The following SIRT1 variants were observed in gnomAD, a reference collection of about 807,000 sequenced individuals.
SIRT1 encodes sirtuin 1, also known as NAD-dependent protein deacetylase sirtuin-1.
In SIRT1, 24 loss-of-function variants were observed where a neutral mutation model predicts 67.9. The observed-to-expected ratio is 0.35, with a 90% CI of 0.26 to 0.50. The LOEUF (loss-of-function observed/expected upper bound fraction) is 0.50, where lower values mean the gene tolerates loss of function less well. Ranked by LOEUF, SIRT1 falls within the 20% of genes least tolerant of loss-of-function variation. The probability of loss-of-function intolerance (pLI) is 0.98; values close to 1 mark genes in which losing one functional copy is unlikely to be tolerated. For missense variants in SIRT1, 873 were observed against 937.2 expected (o/e 0.93, Z 0.89); for synonymous variants, 378 against 350.7 (o/e 1.08, Z -0.87).
intron 4 of SIRT1, among the ~76,000 whole-genome samples, chr10:67,893,952 T>C (rs758749319): frequency 2.7e-4 from 41 of 152,218 alleles, no homozygotes; most frequent in Non-Finnish European, 5.4e-4. Flanking sequence ...GAATAAATTA[T>C]GTTACTTAAA....
chr10:67,895,760 T>TTTTTTTTA (rs1459241769), intron 4 of SIRT1, among the ~76,000 whole-genome samples: 1 of 137,048 alleles, frequency 7.3e-6, no homozygotes, highest in South Asian at 2.3e-4. Flanking sequence ...TTTTTTTTTT[T>TTTTTTTTA]GAGACAGTTT....
At chr10:67,897,733 G>T (rs549017271) in intron 4 of SIRT1, among the ~76,000 whole-genome samples, 2 of 151,746 alleles carry the variant, frequency 1.3e-5, no homozygotes, top group South Asian at 2.1e-4. Context: ...CCTGACCTCA[G>T]GTGATCCACC....
In SIRT1 at chr10:67,909,393, C is replaced by T; in HGVS notation, c.1308C>T (p.Leu436=). 1.2e-6 allele frequency: 2 copies of T among 1,613,510 alleles called. No homozygotes were observed. Among genetic ancestry groups the T allele is most frequent in the Non-Finnish European group, 1.7e-6 (2 of 1,179,872 alleles). The change falls in exon 7 of 9, where the codon CTC becomes CTT. Residue 436 remains leucine (L), a synonymous_variant. Coordinates refer to ENST00000212015, the MANE Select transcript of SIRT1 (RefSeq NM_012238.5). The part of the protein sequence containing the change: ...MKYDKDEVDL[L]IVIGSSLKVR... ...ATGACAAAGATGAAGTTGACCTCCT[C>T]ATTGTTATTGGGTCTTCCCTCAAAG...
chr10:67,889,313 A>G (rs970400594), intron 3 of SIRT1, among the ~76,000 whole-genome samples, 190 bp downstream of exon 3: 1 of 152,214 alleles, frequency 6.6e-6, no homozygotes, highest in Admixed American at 6.5e-5. Context: ...GCCTTAAAAA[A>G]ATATTTGCTT....
At chr10:67,887,561 G>C (rs1235329324) in intron 2 of SIRT1, 28 bp downstream of exon 2, 1 of 1,458,620 alleles carries the variant, frequency 6.9e-7, no homozygotes, top group African/African-American at 1.4e-5. Flanking sequence ...TAATTTTAGA[G>C]AGTAAATGTA....
Position 67,885,466 on chromosome 10 carries a change from C to T in SIRT1, c.430+315C>T, listed in dbSNP as rs979155157. On this transcript the variant is annotated intron_variant, in intron 1 of 8. Coordinates refer to ENST00000212015, the MANE Select transcript of SIRT1 (RefSeq NM_012238.5). ...CCCCTCTTACTCTTTTAGCATATTG[C>T]TTTTGTTAGAGCTTTTTTTTTCTTT... The T allele has an allele frequency of 6.5e-6, 7 of 1,083,092 alleles. No individual in the cohort carries two copies. In the African/African-American group the frequency reaches 9.8e-5, roughly 15 times the overall value. 67.1% of individuals were successfully genotyped at this position (1,083,092 alleles called of 1,614,324 possible). A position where few individuals can be genotyped will look rare whatever the true frequency, so the allele number is the denominator to read the frequency against.
intron 3 of SIRT1, among the ~76,000 whole-genome samples, chr10:67,889,505 C>T (rs1289757921): frequency 6.6e-6 from 1 of 152,136 alleles, no homozygotes; most frequent in Non-Finnish European, 1.5e-5. Context: ...AATTGGTATT[C>T]ACAAGTGAAA....
At position 67,891,496 on chromosome 10, in the gene SIRT1, C is replaced by G. The variant is rs368002483; in HGVS notation, c.884C>G (p.Ala295Gly). Residue 295 changes from alanine to glycine, a missense_variant, in exon 4 of 9, where the codon GCG becomes GGG. This residue lies in a region of SIRT1 where 251 missense variants were observed against 358.8 expected (regional missense o/e 0.70). Transcript: ENST00000212015. ...TTCCCAGATCTTCCAGATCCTCAAG[C>G]GATGTTTGATATTGAATATTTCAGA... ...VDFPDLPDPQ[A>G]MFDIEYFRKD... 3 of 1,613,920 alleles carry G rather than the reference C, an allele frequency of 1.9e-6. No homozygotes were observed. Among genetic ancestry groups the G allele is most frequent in the Admixed American group, 1.7e-5 (1 of 59,998 alleles).
chr10:67,901,332 C>T (rs897546979), intron 4 of SIRT1, among the ~76,000 whole-genome samples: 7 of 151,880 alleles, frequency 4.6e-5, no homozygotes, highest in South Asian at 2.1e-4. Flanking sequence ...GATGGGGTCT[C>T]GCCATGTTGC....
chr10:67,896,474 T>A (rs1842659895), intron 4 of SIRT1, among the ~76,000 whole-genome samples: 1 of 152,148 alleles, frequency 6.6e-6, no homozygotes, highest in Non-Finnish European at 1.5e-5. Context: ...TATGGGGAAC[T>A]TTCCTGTGCG....
intron 3 of SIRT1, 146 bp downstream of exon 3, chr10:67,889,269 T>A (rs894067687): frequency 1.1e-6 from 1 of 882,544 alleles, no homozygotes; most frequent in African/African-American, 1.7e-5. Flanking sequence ...CAGCAGCAGT[T>A]GCTAAATTAG....
Position 67,884,681 on chromosome 10 carries a change from C to T in SIRT1, c.-41C>T, listed in dbSNP as rs1183599724. On this transcript the variant is annotated 5_prime_UTR_variant, in exon 1 of 9. Transcript: ENST00000212015. ...GCCAGTGCCGCGCGTCGAGCGGGAGCAGAGGAGGCGAGGGAGGAGGGCCAG... is the reference window on the plus strand; with the variant it reads ...GCCAGTGCCGCGCGTCGAGCGGGAGTAGAGGAGGCGAGGGAGGAGGGCCAG... The T allele has an allele frequency of 2.4e-6, 3 of 1,226,706 alleles. No individual in the cohort carries two copies. Among genetic ancestry groups the T allele is most frequent in the South Asian group, 4.2e-5 (1 of 23,874 alleles). The allele number at this position is 1,226,706 out of a possible 1,614,324, so 76.0% of individuals were successfully genotyped here. A position where few individuals can be genotyped will look rare whatever the true frequency, so the allele number is the denominator to read the frequency against.
intron 4 of SIRT1, among the ~76,000 whole-genome samples, chr10:67,899,690 A>G (rs991526999): frequency 2.6e-5 from 4 of 152,272 alleles, no homozygotes; most frequent in South Asian, 2.1e-4. Flanking sequence ...GTAGCATTCT[A>G]TTTTAAAGTT....
intron 4 of SIRT1, among the ~76,000 whole-genome samples, chr10:67,904,994 C>T (rs190645176): frequency 4.6e-5 from 7 of 152,232 alleles, no homozygotes; most frequent in South Asian, 2.1e-4. Context: ...TGGGGGTGGA[C>T]GTGGATAAGG....
chr10:67,913,928 A>G (rs1249549097), intron 8 of SIRT1, among the ~76,000 whole-genome samples: 4 of 149,996 alleles, frequency 2.7e-5, no homozygotes, highest in African/African-American at 9.7e-5. Flanking sequence ...GTGGTAAGTT[A>G]TGGAGACACA....
intron 1 of SIRT1, among the ~76,000 whole-genome samples, chr10:67,886,656 C>T (rs1842486392): frequency 6.6e-6 from 1 of 151,524 alleles, no homozygotes; most frequent in African/African-American, 2.4e-5. Context: ...TTATTATTTA[C>T]CTAATAATAA....
intron 7 of SIRT1, among the ~76,000 whole-genome samples, chr10:67,910,689 A>G (rs953853073): frequency 2.6e-5 from 4 of 152,208 alleles, no homozygotes; most frequent in Non-Finnish European, 2.9e-5. Flanking sequence ...CAGCCATGCC[A>G]TAACGGTGAT....
intron 4 of SIRT1, among the ~76,000 whole-genome samples, chr10:67,901,856 A>G (rs1364901223): frequency 6.6e-6 from 1 of 152,226 alleles, no homozygotes; most frequent in African/African-American, 2.4e-5. Context: ...GGTGTACAAC[A>G]TGATGTTTTG....
At chr10:67,907,666 A>C (rs1381150973) in intron 5 of SIRT1, among the ~76,000 whole-genome samples, 2 of 152,126 alleles carry the variant, frequency 1.3e-5, no homozygotes, top group Non-Finnish European at 2.9e-5. Context: ...TAGGTATCTA[A>C]AGTGTTTCTA....
Sources: allele counts gnomAD v4.1 joint callset (sites outside exome capture counted in the v4.1 genomes callset), GRCh38; gene constraint gnomAD v4.1.1; regional missense constraint gnomAD v4.1.1; transcripts MANE v1.5; gene names NCBI Gene and HGNC (gene_info 2026-07-23, HGNC 2026-07-21).